The following PIK3C2A variants were observed in gnomAD, a reference collection of about 807,000 sequenced individuals.
The protein encoded by PIK3C2A is phosphatidylinositol 4-phosphate 3-kinase C2 domain-containing subunit alpha.
Under a neutral mutation model 204.5 loss-of-function variants are expected in PIK3C2A, and 97 were observed. The observed-to-expected ratio is 0.47, with a 90% CI of 0.40 to 0.56. PIK3C2A has a LOEUF of 0.56. PIK3C2A is among the 20% of genes least tolerant of loss of function. The pLI, the probability that PIK3C2A is intolerant of heterozygous loss-of-function variation, is 0.00. For synonymous variants in PIK3C2A, 653 were observed against 664.4 expected (o/e 0.98, Z 0.26); for missense variants, 1,735 against 1,969.2 (o/e 0.88, Z 2.25).
intron 8 of PIK3C2A, among the ~76,000 whole-genome samples, chr11:17,144,946 C>T (rs1850185013): frequency 1.3e-5 from 2 of 150,684 alleles, no homozygotes; most frequent in Non-Finnish European, 3.0e-5. Flanking sequence ...AATGACTGCC[C>T]TATTGGATTT....
chr11:17,123,661 T>C (rs1275478634), intron 13 of PIK3C2A, among the ~76,000 whole-genome samples: 4 of 152,170 alleles, frequency 2.6e-5, no homozygotes, highest in Admixed American at 1.3e-4. Flanking sequence ...CCATAAAGTC[T>C]CTGCTGCAAG....
At position 17,169,528 on chromosome 11, in the gene PIK3C2A, C is replaced by T; in HGVS notation, c.214G>A (p.Asp72Asn). The T allele has an allele frequency of 6.2e-7, 1 of 1,614,082 alleles. No individual in the cohort carries two copies. The highest frequency in any genetic ancestry group is 8.5e-7 in the Non-Finnish European group (1 of 1,179,990). ...TCAGGAAACACCATGAGATCATAATCCTGCTTGTTATAAACCTGTGCTTTT... is the reference window on the plus strand; with the variant it reads ...TCAGGAAACACCATGAGATCATAATTCTGCTTGTTATAAACCTGTGCTTTT... Reference protein sequence around the residue: ...RKKAQVYNKQDYDLMVFPESD... With the variant: ...RKKAQVYNKQNYDLMVFPESD... Residue 72 changes from aspartate (D) to asparagine (N), a missense_variant, in exon 2 of 33, where the codon GAT becomes AAT. Physicochemically the swap from Asp to Asn is conservative, Grantham distance 23 (BLOSUM62 1). This residue lies in a region of PIK3C2A where 536 missense variants were observed against 546.7 expected (regional missense o/e 0.98). Coordinates refer to ENST00000691414, the MANE Select transcript of PIK3C2A (RefSeq NM_002645.4).
intron 1 of PIK3C2A, among the ~76,000 whole-genome samples, chr11:17,203,816 T>C (rs1183518557): frequency 6.6e-6 from 1 of 152,208 alleles, no homozygotes; most frequent in Non-Finnish European, 1.5e-5. Context: ...CTCACGCCTG[T>C]AATCCCAGCA....
chr11:17,175,454 G>C (rs1218690610), intron 1 of PIK3C2A, among the ~76,000 whole-genome samples: 1 of 152,134 alleles, frequency 6.6e-6, no homozygotes, highest in African/African-American at 2.4e-5. Context: ...CTGCTGCATT[G>C]ACATGCTCCA....
At chr11:17,164,089 T>C (rs1171853149) in intron 2 of PIK3C2A, among the ~76,000 whole-genome samples, 1 of 152,090 alleles carries the variant, frequency 6.6e-6, no homozygotes, top group East Asian at 1.9e-4. Flanking sequence ...GTTCCTCAAA[T>C]GGCATACGTT....
rs976459384 is a variant in PIK3C2A at position 17,087,584 on chromosome 11, A to G, written c.*2154T>C. On this transcript the variant is annotated 3_prime_UTR_variant, in exon 33 of 33. Transcript: ENST00000691414. ...GACACTGTCATAATAGACTGCAAAA[A>G]GGCAGTACATGTTGAGTCTAATTAA... 1 of 152,224 alleles carries G rather than the reference A, an allele frequency of 6.6e-6. No individual in the cohort carries two copies. The highest frequency in any genetic ancestry group is 1.5e-5 in the Non-Finnish European group (1 of 68,026). The allele number at this position is 152,224 out of a possible 1,614,324, so 9.4% of individuals were successfully genotyped here.
intron 1 of PIK3C2A, among the ~76,000 whole-genome samples, chr11:17,195,369 C>G (rs908797786): frequency 6.7e-6 from 1 of 150,094 alleles, no homozygotes; most frequent in East Asian, 2.0e-4. Flanking sequence ...GCCGAGATGG[C>G]GCCACTGCAT....
In PIK3C2A at chr11:17,102,818, A is replaced by C; in HGVS notation, c.3695T>G (p.Phe1232Cys). The C allele has an allele frequency of 6.3e-7, 1 of 1,584,044 alleles. No homozygotes were observed. Among genetic ancestry groups the C allele is most frequent in the Non-Finnish European group, 8.6e-7 (1 of 1,166,654 alleles). ...EEEYEKASEN[F>C]IYSCAGCCVA... ...ACAGCATCCAGCACAGGAATAGATAAAGTTCTCTGAAGCCTATAAAAAACA... is the reference window on the plus strand; with the variant it reads ...ACAGCATCCAGCACAGGAATAGATACAGTTCTCTGAAGCCTATAAAAAACA... Residue 1232 changes from phenylalanine (F) to cysteine (C), a missense_variant, in exon 24 of 33, where the codon TTT (phenylalanine) becomes TGT (cysteine). Coordinates refer to ENST00000691414, the MANE Select transcript of PIK3C2A (RefSeq NM_002645.4).
rs1718446678 is a variant in PIK3C2A at position 17,087,668 on chromosome 11, T to A, written c.*2070A>T. 6.6e-6 allele frequency: 1 copy of A among 152,200 alleles called. No homozygotes were observed. Among genetic ancestry groups the A allele is most frequent in the South Asian group, 2.1e-4 (1 of 4,834 alleles). 9.4% of individuals were successfully genotyped at this position (152,200 alleles called of 1,614,324 possible). ...TTGTTTTTAAATTACAGTGGCTAAG[T>A]GATAACTGGTGGAATGGAATTCGGT... On this transcript the variant is annotated 3_prime_UTR_variant, in exon 33 of 33. Transcript: ENST00000691414.
rs1851573777 is a variant in PIK3C2A at position 17,181,701 on chromosome 11, C to CAA, written c.-65-11896_-65-11895insTT. 6.1e-5 allele frequency among the ~76,000 whole-genome samples: 8 copies of CAA among 131,722 alleles called. No individual in the cohort carries two copies. In the South Asian group the frequency reaches 9.8e-4, roughly 16 times the overall value. The allele number at this position is 131,722 out of a possible 152,430, so 86.4% of individuals were successfully genotyped here. On this transcript the variant is annotated intron_variant, in intron 1 of 32. Coordinates refer to ENST00000691414, the MANE Select transcript of PIK3C2A (RefSeq NM_002645.4). ...ACACACACACACACACACAAACACA[C>CAA]ACACACGATTTGATTCATATAAAGT...
rs1849710643 is a variant in PIK3C2A at position 17,131,980 on chromosome 11, G to A, written c.2167C>T (p.Pro723Ser). The part of the protein sequence containing the change: ...LSHNGKDLFK[P>S]IQSKKVGTYK... The stretch of plus-strand genomic sequence containing the variant: ...GTGCCAACCTTCTTTGATTGAATAG[G>A]TTTAAAAAGATCCTTTCCATTGTGA... Residue 723 changes from proline to serine, a missense_variant, in exon 12 of 33, where the codon CCT (proline) becomes TCT (serine). Physicochemically the swap from Pro to Ser is moderately conservative, Grantham distance 74. Coordinates refer to ENST00000691414, the MANE Select transcript of PIK3C2A (RefSeq NM_002645.4). 1.3e-6 allele frequency: 2 copies of A among 1,575,040 alleles called. No homozygotes were observed. The highest frequency in any genetic ancestry group is 1.7e-6 in the Non-Finnish European group (2 of 1,148,980).
chr11:17,204,849 C>T (rs923036184), intron 1 of PIK3C2A, among the ~76,000 whole-genome samples: 5 of 152,156 alleles, frequency 3.3e-5, no homozygotes, highest in African/African-American at 1.2e-4. Flanking sequence ...TTATCATTTG[C>T]CTGTCTTAAA....
intron 1 of PIK3C2A, among the ~76,000 whole-genome samples, chr11:17,176,356 G>A (rs971784707): frequency 1.3e-5 from 2 of 151,954 alleles, no homozygotes; most frequent in Non-Finnish European, 2.9e-5. Flanking sequence ...GGCTGGGCGA[G>A]GTGATTCTTA....
intron 1 of PIK3C2A, among the ~76,000 whole-genome samples, chr11:17,204,109 C>T (rs1333613733): frequency 3.3e-5 from 5 of 151,782 alleles, no homozygotes; most frequent in African/African-American, 1.2e-4. Context: ...CCTCCTGCCT[C>T]GATCCTCCAA....
intron 11 of PIK3C2A, among the ~76,000 whole-genome samples, chr11:17,133,141 T>C (rs1849754000): frequency 6.6e-6 from 1 of 152,190 alleles, no homozygotes; most frequent in East Asian, 1.9e-4. Flanking sequence ...TTTACTCCTA[T>C]TTATGTCAGC....
At chr11:17,109,403 G>A (rs563176262) in intron 22 of PIK3C2A, among the ~76,000 whole-genome samples, 24 of 152,240 alleles carry the variant, frequency 1.6e-4, no homozygotes, top group African/African-American at 5.8e-4. Context: ...GCCATTTATT[G>A]AGCACATAAT....
At chr11:17,145,591 T>A in intron 8 of PIK3C2A, 77 bp downstream of exon 8, 1 of 821,148 alleles carries the variant, frequency 1.2e-6, no homozygotes, top group Non-Finnish European at 2.0e-6. Context: ...TTTAATCCAA[T>A]GCCAACACTA....
rs144811457 is a variant in PIK3C2A at position 17,110,527 on chromosome 11, A to G, written c.3449T>C (p.Leu1150Ser). The G allele has an allele frequency of 1.9e-4, 314 of 1,611,012 alleles. 1 individual carries two copies. In the East Asian group the frequency reaches 6.5e-3, roughly 34 times the overall value. The change falls in exon 22 of 33, where the codon TTA becomes TCA. Residue 1150 changes from leucine to serine, a missense_variant. By Grantham distance (145) the Leu-to-Ser change is moderately radical (BLOSUM62 -2). Transcript: ENST00000691414. ...GEDLRQDMLA[L>S]QMIKIMDKIW... ...CTTATCCATAATCTTTATCATCTGT[A>G]AAGCTAACATATCTTGCCGAAGATC...
Position 17,169,408 on chromosome 11 carries a change from T to TA in PIK3C2A, c.333dup (p.Lys112Ter). ...GTAACTGGTAATACAGGTGTTTTTT[T>TA]AGTCTCGAAACTGTCATCCAGCAAT... On this transcript the variant is annotated frameshift_variant, in exon 2 of 33. Coordinates refer to ENST00000691414, the MANE Select transcript of PIK3C2A (RefSeq NM_002645.4). LOFTEE classifies it high-confidence loss of function. 1.2e-6 allele frequency: 2 copies of TA among 1,614,180 alleles called. No homozygotes were observed. Among genetic ancestry groups the TA allele is most frequent in the Non-Finnish European group, 1.7e-6 (2 of 1,180,020 alleles).
Sources: gnomAD v4.1 joint callset for allele counts (sites outside exome capture counted in the v4.1 genomes callset) on GRCh38, gnomAD v4.1.1 for gene constraint, gnomAD v4.1.1 regional missense constraint, MANE v1.5 for transcripts, NCBI Gene and HGNC (gene_info 2026-07-23, HGNC 2026-07-21) for gene names.